The following ITGA8 variants were observed in gnomAD, a reference collection of about 807,000 sequenced individuals.
ITGA8 encodes the protein integrin alpha-8.
ITGA8 carries 91 observed loss-of-function variants against 142.3 expected under a neutral mutation model. That is an observed-to-expected ratio of 0.64 (90% CI 0.54 to 0.76). ITGA8 has a LOEUF of 0.76. Among genes scored for constraint, ITGA8 ranks in the 30% least tolerant of loss-of-function variants. The pLI, the probability that ITGA8 is intolerant of heterozygous loss-of-function variation, is 0.00. For missense variants in ITGA8, 1,406 were observed against 1,327.7 expected (o/e 1.06, Z -0.92); for synonymous variants, 505 against 485.2 (o/e 1.04, Z -0.54).
chr10:15,647,698 A>G lies in ITGA8; in HGVS notation c.1002-647T>C, dbSNP rs368462080. 1.5e-3 allele frequency among the ~76,000 whole-genome samples: 222 copies of G among 150,728 alleles called. 1 individual carries two copies. The highest frequency in any genetic ancestry group is 5.3e-3 in the African/African-American group (217 of 41,006). On this transcript the variant is annotated intron_variant, in intron 11 of 29. Coordinates refer to ENST00000378076, the MANE Select transcript of ITGA8 (RefSeq NM_003638.3). Reference sequence around the variant, plus strand: ...AGGATGGTCTCGATCTCCTGACCTCATGATCCACCCGCCTCGGCCTCCCAA... The same window carrying G: ...AGGATGGTCTCGATCTCCTGACCTCGTGATCCACCCGCCTCGGCCTCCCAA...
intron 25 of ITGA8, among the ~76,000 whole-genome samples, chr10:15,560,830 G>A (rs1283707524): frequency 6.6e-6 from 1 of 152,094 alleles, no homozygotes; most frequent in Non-Finnish European, 1.5e-5. Flanking sequence ...GTGGAGATCC[G>A]ATGATATTAA....
At chr10:15,608,557 T>G (rs953110745) in intron 15 of ITGA8, among the ~76,000 whole-genome samples, 1 of 152,126 alleles carries the variant, frequency 6.6e-6, no homozygotes, top group Non-Finnish European at 1.5e-5. Context: ...GCTCAATTAG[T>G]CAATTACTTG....
intron 11 of ITGA8, among the ~76,000 whole-genome samples, chr10:15,651,564 G>A (rs1271468081): frequency 1.3e-5 from 2 of 151,420 alleles, no homozygotes; most frequent in African/African-American, 2.4e-5. Context: ...AGATTTTGGA[G>A]CTCTTTTAGG....
chr10:15,538,531 A>AAAAAAC (rs1833500882), intron 27 of ITGA8, among the ~76,000 whole-genome samples: 2 of 145,320 alleles, frequency 1.4e-5, no homozygotes, highest in Non-Finnish European at 3.1e-5. Context: ...AAAAAAAAAA[A>AAAAAAC]CTATAGTTAA....
chr10:15,576,507 A>T (rs1564359053), intron 23 of ITGA8, among the ~76,000 whole-genome samples: 1 of 152,176 alleles, frequency 6.6e-6, no homozygotes, highest in Non-Finnish European at 1.5e-5. Context: ...GAATTCGTAG[A>T]CTTTCAACTG....
At chr10:15,643,953 T>G in intron 13 of ITGA8, 77 bp downstream of exon 13, 2 of 1,334,142 alleles carry the variant, frequency 1.5e-6, no homozygotes, top group Non-Finnish European at 2.1e-6. Flanking sequence ...AAACTGCCTT[T>G]GCATGATGCA....
chr10:15,524,726 C>G (rs138512724), intron 28 of ITGA8, among the ~76,000 whole-genome samples: 2 of 152,212 alleles, frequency 1.3e-5, no homozygotes, highest in African/African-American at 4.8e-5. Flanking sequence ...ATCACTTTTA[C>G]AGGACCAAAG....
At chr10:15,644,461 TATATATATATATATA>T in intron 12 of ITGA8, among the ~76,000 whole-genome samples, 1 of 23,990 alleles carries the variant, frequency 4.2e-5, no homozygotes. Flanking sequence ...TATATATATA[TATATATATATATATA>T]TATATATATA....
chr10:15,670,993 G>A (rs1226256010), intron 8 of ITGA8, among the ~76,000 whole-genome samples: 1 of 152,086 alleles, frequency 6.6e-6, no homozygotes, highest in Non-Finnish European at 1.5e-5. Context: ...TAACACCACA[G>A]CTTTTCTTAC....
At chr10:15,718,382 ATC>A (rs893142215) in intron 2 of ITGA8, among the ~76,000 whole-genome samples, 1 of 152,112 alleles carries the variant, frequency 6.6e-6, no homozygotes, top group African/African-American at 2.4e-5. Context: ...AACGCTAAGG[ATC>A]TCTCTTTTTC....
At chr10:15,601,825 T>C (rs1833109412) in intron 20 of ITGA8, among the ~76,000 whole-genome samples, 1 of 152,038 alleles carries the variant, frequency 6.6e-6, no homozygotes, top group African/African-American at 2.4e-5. Context: ...GAGGAAAAAA[T>C]GGTTAAAAAA....
chr10:15,556,485 C>G (rs771123292), intron 26 of ITGA8, among the ~76,000 whole-genome samples: 43 of 152,272 alleles, frequency 2.8e-4, no homozygotes, highest in Non-Finnish European at 4.7e-4. Flanking sequence ...CCCCCCATAC[C>G]AGACCCAGTG....
At chr10:15,683,756 C>G (rs1294826319) in intron 4 of ITGA8, among the ~76,000 whole-genome samples, 3 of 152,222 alleles carry the variant, frequency 2.0e-5, no homozygotes, top group South Asian at 4.1e-4. Flanking sequence ...AATAAGGAAC[C>G]AATCAATTCT....
chr10:15,718,537 A>G (rs950630680), intron 2 of ITGA8, among the ~76,000 whole-genome samples: 1 of 152,182 alleles, frequency 6.6e-6, no homozygotes, highest in African/African-American at 2.4e-5. Flanking sequence ...GATGCATCCG[A>G]ACACTCAGGG....
At chr10:15,676,136 T>C (rs1180097004) in intron 6 of ITGA8, among the ~76,000 whole-genome samples, 1 of 152,092 alleles carries the variant, frequency 6.6e-6, no homozygotes, top group African/African-American at 2.4e-5. Flanking sequence ...CACCTTGACT[T>C]TCCTCCATTC....
intron 8 of ITGA8, among the ~76,000 whole-genome samples, chr10:15,664,638 G>A (rs1421649330): frequency 6.6e-6 from 1 of 151,220 alleles, no homozygotes; most frequent in East Asian, 2.0e-4. Flanking sequence ...TTAGCATTAG[G>A]TATATCTCCT....
intron 23 of ITGA8, among the ~76,000 whole-genome samples, chr10:15,584,296 AAAAAG>A (rs61145722): frequency 0.24 from 21,695 of 89,250 alleles, 1,953 homozygotes; most frequent in East Asian, 0.47. Flanking sequence ...GACTGTCAAG[AAAAAG>A]AAAAGAAAAG....
chr10:15,672,510 A>G (rs968751732), intron 7 of ITGA8, 114 bp downstream of exon 7: 1 of 1,284,766 alleles, frequency 7.8e-7, no homozygotes, highest in Admixed American at 2.4e-5. Context: ...CTAATAAGAG[A>G]ACATTTGTAT....
At chr10:15,616,393 TAAA>T (rs1263653476) in intron 14 of ITGA8, 118 bp downstream of exon 14, 2 of 805,198 alleles carry the variant, frequency 2.5e-6, no homozygotes, top group Non-Finnish European at 4.2e-6. Flanking sequence ...CTCTAGACTT[TAAA>T]AAGAGCATCT....
Sources: allele counts gnomAD v4.1 joint callset (sites outside exome capture counted in the v4.1 genomes callset), GRCh38; gene constraint gnomAD v4.1.1; transcripts MANE v1.5; gene names NCBI Gene and HGNC (gene_info 2026-07-23, HGNC 2026-07-21).